Variants in LRRC49 observed in about 807,000 individuals in gnomAD.
LRRC49 encodes leucine-rich repeat-containing protein 49.
LRRC49 carries 50 observed loss-of-function variants against 83.3 expected under a neutral mutation model. The ratio of observed to expected loss-of-function variants is 0.60; its 90% CI spans 0.48 to 0.76. The LOEUF (loss-of-function observed/expected upper bound fraction) is 0.76. LRRC49 is among the 30% of genes least tolerant of loss of function. The pLI is 0.00. For missense variants in LRRC49, 704 were observed against 809.1 expected (o/e 0.87, Z 1.58); for synonymous variants, 286 against 283.3 (o/e 1.01, Z -0.10).
chr15:70,930,488 A>G (rs1240938825), intron 7 of LRRC49, among the ~76,000 whole-genome samples: 2 of 152,210 alleles, frequency 1.3e-5, no homozygotes, highest in Admixed American at 1.3e-4. Flanking sequence ...TAGGATTTTC[A>G]CAATGGCAGA....
At chr15:70,856,058 G>T (rs1363204161) in intron 1 of LRRC49, among the ~76,000 whole-genome samples, 1 of 152,106 alleles carries the variant, frequency 6.6e-6, no homozygotes, top group Admixed American at 6.5e-5. Context: ...CCACAATGAT[G>T]GCTCACATTC....
At chr15:70,907,388 T>C (rs1249956708) in intron 5 of LRRC49, 1 of 152,302 alleles carries the variant, frequency 6.6e-6, no homozygotes, top group Non-Finnish European at 1.5e-5. Context: ...GCTCAGGTTC[T>C]GTATGTGAGG....
intron 11 of LRRC49, among the ~76,000 whole-genome samples, chr15:70,988,775 C>G (rs1259327786): frequency 1.3e-5 from 2 of 151,934 alleles, no homozygotes; most frequent in Non-Finnish European, 2.9e-5. Flanking sequence ...TGGCTGGTAC[C>G]GGTTGTTCCT....
intron 6 of LRRC49, among the ~76,000 whole-genome samples, chr15:70,913,132 T>C (rs1264915624): frequency 6.6e-6 from 1 of 152,208 alleles, no homozygotes; most frequent in African/African-American, 2.4e-5. Flanking sequence ...GAATGTAAAG[T>C]CTCTTCTGCA....
upstream of LRRC49, chr15:70,892,180 C>T: frequency 1.2e-6 from 2 of 1,610,692 alleles, no homozygotes; most frequent in African/African-American, 2.7e-5. Flanking sequence ...GGTCCCAGAG[C>T]AGCCGCACGG....
intron 14 of LRRC49, among the ~76,000 whole-genome samples, chr15:71,023,038 A>T (rs1392068431): frequency 1.3e-5 from 2 of 152,238 alleles, no homozygotes; most frequent in African/African-American, 4.8e-5. Flanking sequence ...TAAGAAACAC[A>T]TTTCTAAATA....
At chr15:71,011,031 T>G (rs1442227788) in intron 13 of LRRC49, among the ~76,000 whole-genome samples, 1 of 152,112 alleles carries the variant, frequency 6.6e-6, no homozygotes, top group Non-Finnish European at 1.5e-5. Flanking sequence ...ATATGAAATT[T>G]GCATCAACCA....
intron 11 of LRRC49, among the ~76,000 whole-genome samples, chr15:70,985,391 C>T (rs537761290): frequency 6.6e-6 from 1 of 152,214 alleles, no homozygotes; most frequent in African/African-American, 2.4e-5. Context: ...TGATGATGAG[C>T]ATTTTTTCAT....
intron 8 of LRRC49, among the ~76,000 whole-genome samples, chr15:70,953,354 T>A (rs763258284): frequency 1.3e-5 from 2 of 152,186 alleles, no homozygotes; most frequent in Non-Finnish European, 2.9e-5. Flanking sequence ...GCTTTGCTTG[T>A]TTGAAAAGGA....
intron 1 of LRRC49, among the ~76,000 whole-genome samples, chr15:70,870,794 G>A (rs754481238): frequency 1.3e-5 from 2 of 152,168 alleles, no homozygotes; most frequent in Non-Finnish European, 2.9e-5. Context: ...CCAGCCAGCA[G>A]TAGGTAATTC....
intron 11 of LRRC49, among the ~76,000 whole-genome samples, chr15:70,990,345 C>T (rs2037819135): frequency 6.6e-6 from 1 of 152,170 alleles, no homozygotes; most frequent in Non-Finnish European, 1.5e-5. Context: ...ATGGCAGGCT[C>T]CCCTCCCCCA....
intron 1 of LRRC49, among the ~76,000 whole-genome samples, chr15:70,865,576 G>A (rs963344703): frequency 1.4e-4 from 22 of 152,114 alleles, no homozygotes; most frequent in African/African-American, 4.8e-4. Context: ...TATTTACATC[G>A]AGAATAGTCC....
In LRRC49 at chr15:70,947,725, TA is replaced by T. The variant is rs367604511; in HGVS notation, c.773+10908del. Among the ~76,000 whole-genome samples the T allele has an allele frequency of 3.0e-4, 46 of 152,290 alleles. No individual in the cohort carries two copies. In the East Asian group the frequency reaches 8.9e-3, roughly 29 times the overall value. Reference sequence around the variant, plus strand: ...ACATTCTGGGTGAGAACTGTCATTTTAAAAAGGTCTCCTGGTGATTTAAATG... The same window carrying T: ...ACATTCTGGGTGAGAACTGTCATTTTAAAAGGTCTCCTGGTGATTTAAATG... On this transcript the variant is annotated intron_variant, in intron 8 of 15. Coordinates refer to ENST00000260382, the MANE Select transcript of LRRC49 (RefSeq NM_017691.5).
At chr15:70,949,874 G>A (rs2036152716) in intron 8 of LRRC49, among the ~76,000 whole-genome samples, 1 of 151,908 alleles carries the variant, frequency 6.6e-6, no homozygotes. Context: ...GTAAATTGTG[G>A]GTCGCTGAGG....
chr15:71,027,497 G>C (rs1476405103), intron 14 of LRRC49, among the ~76,000 whole-genome samples: 3 of 152,192 alleles, frequency 2.0e-5, no homozygotes, highest in African/African-American at 7.2e-5. Context: ...CTGGTAGCTT[G>C]ATGGGAATAG....
At chr15:71,026,583 T>C (rs1399169039) in intron 14 of LRRC49, among the ~76,000 whole-genome samples, 2 of 152,198 alleles carry the variant, frequency 1.3e-5, no homozygotes, top group African/African-American at 4.8e-5. Context: ...AAGACCCTAT[T>C]TCTCCACAGC....
At chr15:70,892,181 A>G (rs756090660), upstream of LRRC49, 4 of 1,610,674 alleles carry the variant, frequency 2.5e-6, no homozygotes, top group Admixed American at 6.7e-5. Flanking sequence ...GTCCCAGAGC[A>G]GCCGCACGGC....
At chr15:71,009,224 A>T (rs1313137320) in intron 12 of LRRC49, among the ~76,000 whole-genome samples, 1 of 151,832 alleles carries the variant, frequency 6.6e-6, no homozygotes, top group East Asian at 1.9e-4. Context: ...TCTCCCTAAA[A>T]AAGATAGTTA....
chr15:71,046,209 TAC>T (rs1567115955), intron 15 of LRRC49, among the ~76,000 whole-genome samples: 2 of 152,204 alleles, frequency 1.3e-5, no homozygotes, highest in African/African-American at 4.8e-5. Context: ...TTGGAGTATA[TAC>T]CCAGGAATGG....
Sources: allele counts gnomAD v4.1 joint callset (sites outside exome capture counted in the v4.1 genomes callset), GRCh38; gene constraint gnomAD v4.1.1; transcripts MANE v1.5; gene names NCBI Gene and HGNC (gene_info 2026-07-23, HGNC 2026-07-21).